The following WDR82 variants were observed in gnomAD, a reference collection of about 807,000 sequenced individuals.
WDR82 encodes the protein WD repeat domain 82.
Under a neutral mutation model 36.1 loss-of-function variants are expected in WDR82, and 8 were observed. The observed-to-expected ratio is 0.22, with a 90% confidence interval of 0.13 to 0.40. The LOEUF is 0.40. Ranked by LOEUF, WDR82 falls within the 10% of genes least tolerant of loss-of-function variation. The pLI is 1.00. For missense variants in WDR82, 185 were observed against 400.5 expected, an observed-to-expected ratio of 0.46 and a Z score of 4.59; for synonymous variants, 129 against 137.8, an observed-to-expected ratio of 0.94 and a Z score of 0.45.
At chr3:52,265,294 T>C (rs2107335449) in intron 3 of WDR82, among the ~76,000 whole-genome samples, 1 of 67,884 alleles carries the variant, frequency 1.5e-5, no homozygotes. Flanking sequence ...AGCGAGACTC[T>C]GTCTCAAAAA....
At chr3:52,275,862 C>T (rs1035290414) in intron 1 of WDR82, among the ~76,000 whole-genome samples, 3 of 152,042 alleles carry the variant, frequency 2.0e-5, no homozygotes, top group African/African-American at 7.2e-5. Context: ...CCAGCCTGGG[C>T]GACTGAGCGA....
In WDR82 at chr3:52,258,639, C is replaced by T. The variant is rs755082869; in HGVS notation, c.809G>A (p.Ser270Asn). 3.1e-6 allele frequency: 5 copies of T among 1,614,230 alleles called. No homozygotes were observed. The highest frequency in any genetic ancestry group is 4.2e-6 in the Non-Finnish European group (5 of 1,180,052). Reference protein sequence around the residue: ...DGKIHVWNGESGIKVAVLDGK... With the variant: ...DGKIHVWNGENGIKVAVLDGK... ...ATCCAACACAGCTACTTTTATACCG[C>T]TCTCTCCATTCCAGACATGGATCTT... Residue 270 changes from serine (S) to asparagine (N), a missense_variant, in exon 8 of 9, where the codon AGC (serine) becomes AAC (asparagine). Coordinates refer to ENST00000296490, the MANE Select transcript of WDR82 (RefSeq NM_025222.4).
In WDR82 at chr3:52,259,808, C is replaced by T; in HGVS notation, c.608G>A (p.Ser203Asn). 6.2e-7 allele frequency: 1 copy of T among 1,614,086 alleles called. No individual in the cohort carries two copies. The highest frequency in any genetic ancestry group is 8.5e-7 in the Non-Finnish European group (1 of 1,179,998). Residue 203 changes from serine (S) to asparagine (N), a missense_variant, in exon 6 of 9, where the codon AGC becomes AAC. Ser to Asn is a conservative substitution (Grantham distance 46). Coordinates refer to ENST00000296490, the MANE Select transcript of WDR82 (RefSeq NM_025222.4). ...RTCEWTGLKF[S>N]NDGKLILIST... Reference sequence around the variant, plus strand: ...AATGAGGATGAGCTTGCCATCATTGCTGAATTTAAGTCCTGTCCACTCACA... The same window carrying T: ...AATGAGGATGAGCTTGCCATCATTGTTGAATTTAAGTCCTGTCCACTCACA...
intron 7 of WDR82, 95 bp from the exon 8 acceptor site, chr3:52,258,773 G>A (rs1452030594): frequency 1.3e-6 from 2 of 1,549,844 alleles, no homozygotes; most frequent in Non-Finnish European, 1.7e-6. Context: ...GATACGCCAA[G>A]CTTTAGGACC....
rs772327652 is a variant in WDR82 at position 52,261,354 on chromosome 3, A to G, written c.426+26T>C. ...AGTGCCTACCAAAGAAAATGCTCAA[A>G]AAGTATAACTGTGAGGTACCATTAC... On this transcript the variant is annotated intron_variant, in intron 4 of 8. Transcript: ENST00000296490. 5.0e-6 allele frequency: 8 copies of G among 1,596,730 alleles called. No homozygotes were observed. The East Asian group carries it at 1.4e-4, about 27-fold the overall frequency.
intron 1 of WDR82, among the ~76,000 whole-genome samples, chr3:52,274,640 A>C (rs1394765816): frequency 6.6e-6 from 1 of 152,172 alleles, no homozygotes; most frequent in Non-Finnish European, 1.5e-5. Flanking sequence ...CACATATGTA[A>C]TCCCAGCACT....
chr3:52,270,568 G>A, intron 2 of WDR82, 144 bp downstream of exon 2: 1 of 650,912 alleles, frequency 1.5e-6, no homozygotes, highest in Non-Finnish European at 2.5e-6. Flanking sequence ...CATTCCTTCA[G>A]TCAAAACAAT....
chr3:52,260,400 A>C lies in WDR82; in HGVS notation c.528T>G (p.Leu176=), dbSNP rs895702398. ...AAAGATTTACCTTATCAAAAGAACG[A>C]AGGTCATAAAGCTTGACCATTTCAG... ...VNSEMVKLYD[L]RSFDKGPFAT... is the part of the protein sequence containing the mutation. The change falls in exon 5 of 9, where the codon CTT becomes CTG. Residue 176 remains leucine, a synonymous_variant. Transcript: ENST00000296490. The C allele has an allele frequency of 1.3e-6, 2 of 1,566,364 alleles. No individual in the cohort carries two copies. The highest frequency in any genetic ancestry group is 2.8e-5 in the African/African-American group (2 of 70,874).
In WDR82 at chr3:52,259,714, C is replaced by A. The variant is rs200969602; in HGVS notation, c.699+3G>T. The stretch of plus-strand genomic sequence containing the variant: ...CAGCCATGCTTGAAGGCTGTCAGCT[C>A]ACCCCAAATGTGTGCATCACCACTC... On this transcript the variant is annotated splice_donor_region_variant and intron_variant, in intron 6 of 8. Coordinates refer to ENST00000296490, the MANE Select transcript of WDR82 (RefSeq NM_025222.4). 18 of 1,607,980 alleles carry A rather than the reference C, an allele frequency of 1.1e-5. No homozygotes were observed. The highest frequency in any genetic ancestry group is 1.4e-5 in the Non-Finnish European group (17 of 1,176,590).
intron 2 of WDR82, among the ~76,000 whole-genome samples, chr3:52,269,115 C>T (rs1037789128): frequency 2.0e-5 from 3 of 151,998 alleles, no homozygotes; most frequent in South Asian, 4.1e-4. Flanking sequence ...ATGTAGCCAC[C>T]GGCCTAAAAA....
chr3:52,275,254 T>C (rs1021985265), intron 1 of WDR82, among the ~76,000 whole-genome samples: 1 of 152,108 alleles, frequency 6.6e-6, no homozygotes, highest in African/African-American at 2.4e-5. Flanking sequence ...TACAATACCA[T>C]GCCTTCCCAA....
chr3:52,267,620 G>C (rs1413984191), intron 2 of WDR82: 1 of 152,412 alleles, frequency 6.6e-6, no homozygotes, highest in Non-Finnish European at 1.5e-5. Context: ...GGGTTAAAAA[G>C]ATCTTAAGAC....
intron 1 of WDR82, among the ~76,000 whole-genome samples, chr3:52,273,119 A>T (rs564582177): frequency 3.0e-4 from 45 of 152,300 alleles, no homozygotes; most frequent in Admixed American, 2.7e-3. Context: ...CAGTTATTTC[A>T]TCCCATCTAC....
At chr3:52,268,747 AG>A (rs1700127664) in intron 2 of WDR82, among the ~76,000 whole-genome samples, 1 of 152,064 alleles carries the variant, frequency 6.6e-6, no homozygotes, top group Non-Finnish European at 1.5e-5. Flanking sequence ...AATGGAAAAA[AG>A]GACTTCCGCC....
chr3:52,277,286 G>A (rs992214218), intron 1 of WDR82, among the ~76,000 whole-genome samples: 5 of 152,036 alleles, frequency 3.3e-5, no homozygotes, highest in African/African-American at 9.7e-5. Flanking sequence ...AGGACCCCCA[G>A]GGAAAAAGGC....
At chr3:52,267,055 T>C in intron 2 of WDR82, 37 bp from the exon 3 acceptor site, 5 of 1,477,886 alleles carry the variant, frequency 3.4e-6, no homozygotes, top group Non-Finnish European at 4.7e-6. Context: ...GATATCATAC[T>C]ATTTAAAAGA....
In WDR82 at chr3:52,257,419, A is replaced by T; in HGVS notation, c.*71T>A. The stretch of plus-strand genomic sequence containing the variant: ...AGTCAAATGATCCAATCCCACTATT[A>T]TCTCAGTTCCCTCTGAGTTTCTTCC... On this transcript the variant is annotated 3_prime_UTR_variant, in exon 9 of 9. Coordinates refer to ENST00000296490, the MANE Select transcript of WDR82 (RefSeq NM_025222.4). 6.2e-7 allele frequency: 1 copy of T among 1,601,074 alleles called. No homozygotes were observed. The highest frequency in any genetic ancestry group is 8.6e-7 in the Non-Finnish European group (1 of 1,168,210).
Position 52,255,522 on chromosome 3 carries a change from G to C in WDR82, c.*1968C>G, listed in dbSNP as rs1699998264. 1 of 152,096 alleles carries C rather than the reference G, an allele frequency of 6.6e-6. No homozygotes were observed. Among genetic ancestry groups the C allele is most frequent in the Non-Finnish European group, 1.5e-5 (1 of 68,034 alleles). The allele number at this position is 152,096 out of a possible 1,614,324, so 9.4% of individuals were successfully genotyped here. On this transcript the variant is annotated 3_prime_UTR_variant, in exon 9 of 9. Coordinates refer to ENST00000296490, the MANE Select transcript of WDR82 (RefSeq NM_025222.4). The stretch of plus-strand genomic sequence containing the variant: ...CTCTCTGGGAAAGCAGAACTATACA[G>C]TGGGTGGCATCCTGCAGATTCTAGT...
intron 3 of WDR82, 145 bp downstream of exon 3, chr3:52,266,807 G>C: frequency 3.0e-6 from 2 of 670,938 alleles, no homozygotes; most frequent in Non-Finnish European, 5.2e-6. Context: ...TAAATCAAGA[G>C]TTGACTATTT....
Sources: allele counts gnomAD v4.1 joint callset (sites outside exome capture counted in the v4.1 genomes callset), GRCh38; gene constraint gnomAD v4.1.1; transcripts MANE v1.5; gene names NCBI Gene and HGNC (gene_info 2026-07-23, HGNC 2026-07-21).